Variants in DLGAP2 observed in about 807,000 individuals in gnomAD.
DLGAP2 encodes the protein DLG associated protein 2.
Under a neutral mutation model 100.3 loss-of-function variants are expected in DLGAP2, and 26 were observed. The observed-to-expected ratio is 0.26, with a 90% CI of 0.19 to 0.36. The LOEUF (loss-of-function observed/expected upper bound fraction) is 0.36, where lower values mean the gene tolerates loss of function less well. Among genes scored for constraint, DLGAP2 ranks in the 10% least tolerant of loss-of-function variants. The pLI is 1.00. For synonymous variants in DLGAP2, 886 were observed against 630.1 expected (o/e 1.41, Z -6.08); for missense variants, 1,858 against 1,453.2 (o/e 1.28, Z -4.53).
At chr8:1,525,629 G>C (rs760928181) in intron 4 of DLGAP2, among the ~76,000 whole-genome samples, 1 of 152,230 alleles carries the variant, frequency 6.6e-6, no homozygotes, top group Non-Finnish European at 1.5e-5. Context: ...AAGAATAGTA[G>C]ATTTAAAAAG....
intron 2 of DLGAP2, chr8:1,246,899 C>CGGT (rs1563036461): frequency 7.6e-5 from 9 of 119,178 alleles, no homozygotes; most frequent in African/African-American, 3.5e-4. Flanking sequence ...TGTTGGTGTC[C>CGGT]AGCAAGACCT....
chr8:1,640,769 C>T (rs895407554), intron 8 of DLGAP2, among the ~76,000 whole-genome samples: 3 of 152,084 alleles, frequency 2.0e-5, no homozygotes, highest in African/African-American at 7.2e-5. Flanking sequence ...CTCACGTGGC[C>T]CGCCCCCCCG....
At chr8:1,356,678 G>A (rs1801859996) in intron 3 of DLGAP2, among the ~76,000 whole-genome samples, 1 of 152,232 alleles carries the variant, frequency 6.6e-6, no homozygotes, top group South Asian at 2.1e-4. Flanking sequence ...AATGAGGTGA[G>A]TATGAGCAAA....
At chr8:1,481,725 G>A (rs941964381) in intron 3 of DLGAP2, among the ~76,000 whole-genome samples, 3 of 152,032 alleles carry the variant, frequency 2.0e-5, no homozygotes, top group Non-Finnish European at 4.4e-5. Context: ...TGATCCACCC[G>A]CCTCAGCCTC....
At chr8:1,377,020 T>C (rs1424894883) in intron 3 of DLGAP2, among the ~76,000 whole-genome samples, 3 of 152,150 alleles carry the variant, frequency 2.0e-5, no homozygotes, top group African/African-American at 7.2e-5. Flanking sequence ...AGAACCACAG[T>C]GTCAGTTACT....
chr8:882,063 T>C (rs554190648), intron 1 of DLGAP2, among the ~76,000 whole-genome samples: 7 of 152,296 alleles, frequency 4.6e-5, no homozygotes, highest in Admixed American at 1.3e-4. Context: ...GTGCCATTGG[T>C]CACATGATAT....
intron 3 of DLGAP2, among the ~76,000 whole-genome samples, chr8:1,324,874 G>A (rs140906559): frequency 2.3e-3 from 346 of 152,298 alleles, no homozygotes; most frequent in African/African-American, 8.0e-3. Flanking sequence ...GCTGCAGAGA[G>A]CACAAGAATA....
intron 2 of DLGAP2, among the ~76,000 whole-genome samples, chr8:988,542 C>G (rs908294289): frequency 1.3e-5 from 2 of 152,210 alleles, no homozygotes; most frequent in African/African-American, 4.8e-5. Context: ...CCGGCTCGGC[C>G]TCTGTTCAGC....
intron 1 of DLGAP2, among the ~76,000 whole-genome samples, chr8:881,028 T>A (rs1295769610): frequency 6.6e-6 from 1 of 152,232 alleles, no homozygotes. Context: ...GGCTTATATA[T>A]AAGTGAGTAA....
At chr8:1,128,967 T>C (rs951571292) in intron 2 of DLGAP2, among the ~76,000 whole-genome samples, 2 of 152,212 alleles carry the variant, frequency 1.3e-5, no homozygotes, top group Non-Finnish European at 1.5e-5. Flanking sequence ...ACTGGCAAGC[T>C]GACGCTCCCC....
chr8:950,211 T>A (rs1799443505), intron 2 of DLGAP2, among the ~76,000 whole-genome samples: 2 of 152,152 alleles, frequency 1.3e-5, no homozygotes, highest in Non-Finnish European at 2.9e-5. Flanking sequence ...AATTTTGTGA[T>A]CTCAAGATGC....
intron 2 of DLGAP2, among the ~76,000 whole-genome samples, chr8:1,138,191 G>C (rs1218481371): frequency 6.6e-6 from 1 of 152,230 alleles, no homozygotes; most frequent in African/African-American, 2.4e-5. Context: ...CTCAGCTTTG[G>C]AAAGCGCAGC....
intron 2 of DLGAP2, among the ~76,000 whole-genome samples, chr8:965,213 C>A (rs1271592060): frequency 7.1e-6 from 1 of 140,996 alleles, no homozygotes; most frequent in Admixed American, 6.9e-5. Flanking sequence ...GCTCCTGAGT[C>A]TGACCCCGCA....
In DLGAP2 at chr8:1,573,625, C is replaced by T. The variant is rs191320554; in HGVS notation, c.1442+7731C>T. ...TTCGGGAAGTATGCAGGAAACATCA[C>T]GTGCTGTTCTGGTGCCCAAATGCAG... On this transcript the variant is annotated intron_variant, in intron 6 of 14. Coordinates refer to ENST00000637795, the MANE Select transcript of DLGAP2 (RefSeq NM_001346810.2). 4.4e-3 allele frequency among the ~76,000 whole-genome samples: 667 copies of T among 152,240 alleles called. 8 individuals carry two copies. Among genetic ancestry groups the T allele is most frequent in the Non-Finnish European group, 4.6e-3 (313 of 68,000 alleles).
chr8:1,157,959 G>A (rs1026159610), intron 2 of DLGAP2, among the ~76,000 whole-genome samples: 1 of 152,226 alleles, frequency 6.6e-6, no homozygotes, highest in African/African-American at 2.4e-5. Context: ...GCCTTCAAGA[G>A]TATCAGGAGT....
intron 3 of DLGAP2, among the ~76,000 whole-genome samples, chr8:1,438,732 G>C (rs751051575): frequency 6.6e-5 from 10 of 152,214 alleles, no homozygotes; most frequent in Non-Finnish European, 1.2e-4. Flanking sequence ...CGCATGCACA[G>C]ACTGTGATAA....
chr8:1,556,615 A>G (rs1390102171), intron 5 of DLGAP2, among the ~76,000 whole-genome samples: 1 of 152,182 alleles, frequency 6.6e-6, no homozygotes, highest in Non-Finnish European at 1.5e-5. Context: ...GTACAGCAGG[A>G]CTAGGAGCTG....
chr8:829,551 G>T (rs2132698994), intron 1 of DLGAP2, among the ~76,000 whole-genome samples: 1 of 152,260 alleles, frequency 6.6e-6, no homozygotes, highest in East Asian at 1.9e-4. Context: ...AAGGTAAAAA[G>T]GACCTTCAAT....
intron 1 of DLGAP2, among the ~76,000 whole-genome samples, chr8:847,256 A>G (rs1419432483): frequency 6.6e-6 from 1 of 152,224 alleles, no homozygotes; most frequent in Non-Finnish European, 1.5e-5. Context: ...GTTTTCAGAT[A>G]TACTGGCCAA....
Sources: gnomAD v4.1 joint callset for allele counts (sites outside exome capture counted in the v4.1 genomes callset) on GRCh38, gnomAD v4.1.1 for gene constraint, MANE v1.5 for transcripts, NCBI Gene and HGNC (gene_info 2026-07-23, HGNC 2026-07-21) for gene names.